The following PTPRD variants were observed in gnomAD, a reference collection of about 807,000 sequenced individuals.
PTPRD encodes the protein protein tyrosine phosphatase receptor type D.
PTPRD carries 34 observed loss-of-function variants against 214.5 expected under a neutral mutation model. That is an observed-to-expected ratio of 0.16 (90% CI 0.12 to 0.21). The LOEUF (loss-of-function observed/expected upper bound fraction) is 0.21. PTPRD is among the 10% of genes least tolerant of loss of function. PTPRD has a pLI of 1.00. For missense variants in PTPRD, 2,545 were observed against 2,398.7 expected (o/e 1.06, Z -1.27); for synonymous variants, 1,128 against 845.7 (o/e 1.33, Z -5.79).
chr9:9,915,138 A>C lies in PTPRD; in HGVS notation c.-368+23369T>G, dbSNP rs146247921. Among the ~76,000 whole-genome samples the C allele has an allele frequency of 6.1e-3, 929 of 152,316 alleles. 10 individuals carry two copies. Among genetic ancestry groups the C allele is most frequent in the African/African-American group, 0.021 (884 of 41,574 alleles). ...TGCCTTTAGCATGGGTTAGAGCTGT[A>C]GAAACGACATGGAGACAACACAAAT... On this transcript the variant is annotated intron_variant, in intron 5 of 45. Transcript: ENST00000381196.
chr9:9,037,028 G>T (rs10759033), intron 10 of PTPRD, among the ~76,000 whole-genome samples: 22 of 151,470 alleles, frequency 1.5e-4, no homozygotes, highest in Non-Finnish European at 2.7e-4. Context: ...TACAAGGTTG[G>T]GTACTGGGTT....
At chr9:10,401,208 A>G (rs148583031) in intron 2 of PTPRD, among the ~76,000 whole-genome samples, 1 of 151,828 alleles carries the variant, frequency 6.6e-6, no homozygotes, top group African/African-American at 2.4e-5. Flanking sequence ...TGCCTAAAAC[A>G]TCTTACTTTG....
intron 2 of PTPRD, among the ~76,000 whole-genome samples, chr9:10,561,910 TA>T (rs1419543341): frequency 6.6e-6 from 1 of 152,176 alleles, no homozygotes; most frequent in African/African-American, 2.4e-5. Context: ...AATAAGTATG[TA>T]TTTTATGTTT....
intron 11 of PTPRD, among the ~76,000 whole-genome samples, chr9:8,749,316 C>G (rs1049591362): frequency 1.3e-5 from 2 of 152,082 alleles, no homozygotes; most frequent in African/African-American, 2.4e-5. Flanking sequence ...TCTCCCTGAG[C>G]AGCTGGGATT....
chr9:9,665,945 G>A (rs753391999), intron 7 of PTPRD, among the ~76,000 whole-genome samples: 1 of 151,786 alleles, frequency 6.6e-6, no homozygotes, highest in East Asian at 1.9e-4. Context: ...ATAAAGTCCA[G>A]AAAGAGGAAA....
At chr9:9,386,074 C>A (rs1022896697) in intron 9 of PTPRD, among the ~76,000 whole-genome samples, 4 of 152,082 alleles carry the variant, frequency 2.6e-5, no homozygotes, top group South Asian at 2.1e-4. Context: ...CTTCCTACTA[C>A]AAAAAGAGGC....
intron 2 of PTPRD, among the ~76,000 whole-genome samples, chr9:10,492,712 C>T (rs902403983): frequency 6.6e-6 from 1 of 151,940 alleles, no homozygotes; most frequent in African/African-American, 2.4e-5. Flanking sequence ...AAGCTCTTTA[C>T]TTTAATTAGA....
At chr9:10,263,098 G>C (rs1595651462) in intron 3 of PTPRD, among the ~76,000 whole-genome samples, 1 of 152,134 alleles carries the variant, frequency 6.6e-6, no homozygotes, top group East Asian at 1.9e-4. Context: ...CAGCCATGTG[G>C]AACTGTGAGT....
At chr9:9,336,554 C>T (rs1226901595) in intron 9 of PTPRD, among the ~76,000 whole-genome samples, 1 of 152,222 alleles carries the variant, frequency 6.6e-6, no homozygotes, top group Middle Eastern at 3.4e-3. Context: ...ATTATTTCAA[C>T]CCATATTAAG....
At chr9:10,028,680 G>A (rs867669205) in intron 4 of PTPRD, among the ~76,000 whole-genome samples, 1 of 152,102 alleles carries the variant, frequency 6.6e-6, no homozygotes, top group Non-Finnish European at 1.5e-5. Context: ...TGAACTTGAG[G>A]GGGATGATTT....
intron 8 of PTPRD, among the ~76,000 whole-genome samples, chr9:9,440,247 G>C (rs17830175): frequency 0.39 from 59,259 of 152,036 alleles, 11,990 homozygotes; most frequent in Middle Eastern, 0.57. Context: ...AGCTTGGAAT[G>C]TTTATCAAAT....
chr9:8,725,932 G>A (rs909770214), intron 12 of PTPRD, among the ~76,000 whole-genome samples: 2 of 151,938 alleles, frequency 1.3e-5, no homozygotes, highest in African/African-American at 2.4e-5. Flanking sequence ...TCTGAAGATA[G>A]ATTACAGGCT....
At chr9:10,331,227 G>A (rs1334976567) in intron 3 of PTPRD, among the ~76,000 whole-genome samples, 2 of 151,864 alleles carry the variant, frequency 1.3e-5, no homozygotes, top group Non-Finnish European at 2.9e-5. Flanking sequence ...GTTTGAAAGA[G>A]GAGTGCTACT....
chr9:10,195,098 A>ATTTTTTTTTTTTTTTTTTTTTTTTTTTT (rs34900305), intron 3 of PTPRD, among the ~76,000 whole-genome samples: 1 of 97,910 alleles, frequency 1.0e-5, no homozygotes. Flanking sequence ...ATACCCGGCT[A>ATTTTTTTTTTTTTTTTTTTTTTTTTTTT]TTTTTTTTTT....
chr9:9,653,348 C>CA (rs1175875551), intron 7 of PTPRD, among the ~76,000 whole-genome samples: 368 of 32,496 alleles, frequency 0.011, 123 homozygotes, highest in East Asian at 0.087. Flanking sequence ...GACTCCGTCT[C>CA]AAAAAAAAAA....
chr9:9,675,025 C>A (rs1327156351), intron 7 of PTPRD, among the ~76,000 whole-genome samples: 3 of 151,784 alleles, frequency 2.0e-5, no homozygotes, highest in Non-Finnish European at 4.4e-5. Flanking sequence ...AGAATGAATT[C>A]TTCTCATGTC....
chr9:8,420,533 C>A (rs938599692), intron 35 of PTPRD, among the ~76,000 whole-genome samples: 3 of 152,128 alleles, frequency 2.0e-5, no homozygotes, highest in Non-Finnish European at 2.9e-5. Flanking sequence ...TCTGTGGCAT[C>A]ACAATTGGTT....
intron 9 of PTPRD, among the ~76,000 whole-genome samples, chr9:9,272,037 T>C (rs1282880587): frequency 6.6e-6 from 1 of 150,666 alleles, no homozygotes; most frequent in Non-Finnish European, 1.5e-5. Context: ...AAGAATGGAG[T>C]TTTTTAAAGT....
rs544318777 is a variant in PTPRD, at chr9:8,700,065, T to TAATC, written c.64+33711_64+33714dup. Among the ~76,000 whole-genome samples the TAATC allele has an allele frequency of 2.4e-4, 36 of 152,308 alleles. No homozygotes were observed. The South Asian group carries it at 7.0e-3, about 30-fold the overall frequency. On this transcript the variant is annotated intron_variant, in intron 12 of 45. Transcript: ENST00000381196. Reference sequence around the variant, plus strand: ...TTCTGAACAGTGGTACAACTGCCAGTAATCAATGGTTTTTTAAATTCCTTA... The same window carrying TAATC: ...TTCTGAACAGTGGTACAACTGCCAGTAATCAATCAATGGTTTTTTAAATTCCTTA...
Sources: allele counts gnomAD v4.1 joint callset (sites outside exome capture counted in the v4.1 genomes callset), GRCh38; gene constraint gnomAD v4.1.1; transcripts MANE v1.5; gene names NCBI Gene and HGNC (gene_info 2026-07-23, HGNC 2026-07-21).